The following EPHB1 variants were observed in gnomAD, a reference collection of about 807,000 sequenced individuals.
The protein encoded by EPHB1 is EPH receptor B1.
EPHB1 carries 30 observed loss-of-function variants against 94.4 expected under a neutral mutation model. The observed-to-expected ratio is 0.32, with a 90% CI of 0.24 to 0.43. The LOEUF (loss-of-function observed/expected upper bound fraction) is 0.43. Among genes scored for constraint, EPHB1 ranks in the 20% least tolerant of loss-of-function variants. The probability of loss-of-function intolerance (pLI) is 1.00; values close to 1 mark genes in which losing one functional copy is unlikely to be tolerated. For missense variants in EPHB1, 1,055 were observed against 1,308.3 expected, an observed-to-expected ratio of 0.81 and a Z score of 2.99; for synonymous variants, 522 against 489.1, an observed-to-expected ratio of 1.07 and a Z score of -0.89.
intron 4 of EPHB1, among the ~76,000 whole-genome samples, chr3:135,113,308 A>G (rs751981859): frequency 2.6e-5 from 4 of 152,250 alleles, no homozygotes; most frequent in Non-Finnish European, 4.4e-5. Context: ...ACACTTCTGT[A>G]ATCTACAATT....
rs866780644 is a variant in EPHB1 at position 135,255,471 on chromosome 3, T to G, written c.2847-3541T>G. On this transcript the variant is annotated intron_variant, in intron 15 of 15. Coordinates refer to ENST00000398015, the MANE Select transcript of EPHB1 (RefSeq NM_004441.5). ...CTTTATTTCTGCCTACATTTCGTTA[T>G]GTACCCAGTAGTCATTCAGGAGCAG... is the stretch of plus-strand genomic sequence containing the variant. Among the ~76,000 whole-genome samples, 704 of 143,630 alleles carry G rather than the reference T, an allele frequency of 4.9e-3. 3 individuals carry two copies. The highest frequency in any genetic ancestry group is 0.015 in the South Asian group (61 of 4,098). 94.2% of individuals were successfully genotyped at this position (143,630 alleles called of 152,430 possible).
intron 3 of EPHB1, among the ~76,000 whole-genome samples, chr3:134,960,366 C>G (rs1474340115): frequency 1.3e-5 from 2 of 152,202 alleles, no homozygotes; most frequent in Non-Finnish European, 2.9e-5. Context: ...TTGCCTTTCC[C>G]TACAGGCTGT....
intron 1 of EPHB1, among the ~76,000 whole-genome samples, chr3:134,829,241 C>A (rs985133243): frequency 2.6e-5 from 4 of 152,084 alleles, no homozygotes; most frequent in African/African-American, 9.7e-5. Context: ...AGATGCTGGG[C>A]AAGTGTGCTC....
At chr3:134,903,017 C>G (rs2038234898) in intron 1 of EPHB1, among the ~76,000 whole-genome samples, 1 of 152,254 alleles carries the variant, frequency 6.6e-6, no homozygotes. Context: ...CCTGGCCACC[C>G]TTCCGCAGGT....
intron 1 of EPHB1, among the ~76,000 whole-genome samples, chr3:134,807,822 A>G (rs937226180): frequency 6.6e-6 from 1 of 152,190 alleles, no homozygotes; most frequent in Non-Finnish European, 1.5e-5. Flanking sequence ...GATACTCCCC[A>G]AAGCTCTCAG....
chr3:135,257,744 G>A (rs1933467595), intron 15 of EPHB1, among the ~76,000 whole-genome samples: 2 of 148,962 alleles, frequency 1.3e-5, no homozygotes, highest in Admixed American at 6.7e-5. Flanking sequence ...GCTCCACCCA[G>A]TTCGAGCTTC....
At chr3:134,820,679 C>T (rs2036363402) in intron 1 of EPHB1, among the ~76,000 whole-genome samples, 1 of 152,000 alleles carries the variant, frequency 6.6e-6, no homozygotes, top group Admixed American at 6.5e-5. Flanking sequence ...CTGTGTTTGC[C>T]TGGGTTACCT....
At chr3:135,066,717 C>T (rs555831761) in intron 3 of EPHB1, among the ~76,000 whole-genome samples, 6 of 152,102 alleles carry the variant, frequency 3.9e-5, no homozygotes, top group African/African-American at 1.2e-4. Context: ...GATTTCTTCT[C>T]GGTTTGGATC....
At chr3:135,015,708 T>C (rs1935776384) in intron 3 of EPHB1, among the ~76,000 whole-genome samples, 1 of 152,188 alleles carries the variant, frequency 6.6e-6, no homozygotes, top group South Asian at 2.1e-4. Flanking sequence ...TCTTTTAACC[T>C]GGATGAACTT....
chr3:134,900,142 G>A (rs895319225), intron 1 of EPHB1, among the ~76,000 whole-genome samples: 1 of 152,134 alleles, frequency 6.6e-6, no homozygotes. Flanking sequence ...TGACAATAGG[G>A]CCTGTCTCAT....
chr3:135,103,331 CAG>C (rs1939098316), intron 3 of EPHB1, among the ~76,000 whole-genome samples: 1 of 152,058 alleles, frequency 6.6e-6, no homozygotes, highest in African/African-American at 2.4e-5. Flanking sequence ...TTATACATAA[CAG>C]AAATAATATA....
chr3:134,845,331 G>T (rs2036853236), intron 1 of EPHB1, among the ~76,000 whole-genome samples: 1 of 152,134 alleles, frequency 6.6e-6, no homozygotes, highest in Non-Finnish European at 1.5e-5. Flanking sequence ...AATATGCCTT[G>T]GGTGATCTGG....
chr3:134,877,429 T>G (rs2037638931), intron 1 of EPHB1, among the ~76,000 whole-genome samples: 1 of 152,146 alleles, frequency 6.6e-6, no homozygotes, highest in African/African-American at 2.4e-5. Context: ...GCTCTATCTC[T>G]TTGTTTTTGA....
At chr3:135,104,078 A>G (rs1010274770) in intron 3 of EPHB1, among the ~76,000 whole-genome samples, 1 of 152,208 alleles carries the variant, frequency 6.6e-6, no homozygotes, top group Non-Finnish European at 1.5e-5. Context: ...CAGGGGCCAA[A>G]TATGAATGCT....
chr3:134,802,478 C>T (rs998689383), intron 1 of EPHB1, among the ~76,000 whole-genome samples: 1 of 152,124 alleles, frequency 6.6e-6, no homozygotes, highest in Non-Finnish European at 1.5e-5. Context: ...TAGGAAGCAG[C>T]TCAGGATCTG....
At chr3:135,031,153 C>T (rs1936448454) in intron 3 of EPHB1, among the ~76,000 whole-genome samples, 1 of 152,196 alleles carries the variant, frequency 6.6e-6, no homozygotes, top group South Asian at 2.1e-4. Context: ...AACCCCGTAC[C>T]TCAGATGGAA....
At chr3:134,851,378 C>A (rs547840799) in intron 1 of EPHB1, among the ~76,000 whole-genome samples, 1 of 152,254 alleles carries the variant, frequency 6.6e-6, no homozygotes, top group East Asian at 1.9e-4. Flanking sequence ...TCCCCATCTC[C>A]CCTCTCCTCT....
At chr3:134,864,840 T>C (rs1426298670) in intron 1 of EPHB1, among the ~76,000 whole-genome samples, 3 of 152,158 alleles carry the variant, frequency 2.0e-5, no homozygotes, top group Non-Finnish European at 2.9e-5. Context: ...GTAGGGGAAG[T>C]GAATACAGTC....
chr3:135,105,109 T>C (rs903977524), intron 3 of EPHB1, among the ~76,000 whole-genome samples: 1 of 152,192 alleles, frequency 6.6e-6, no homozygotes, highest in African/African-American at 2.4e-5. Context: ...AGTTAACAGA[T>C]GGTGGCTACT....
Sources: allele counts gnomAD v4.1 joint callset (sites outside exome capture counted in the v4.1 genomes callset), GRCh38; gene constraint gnomAD v4.1.1; transcripts MANE v1.5; gene names NCBI Gene and HGNC (gene_info 2026-07-23, HGNC 2026-07-21).